The following NGEF variants were observed in gnomAD, a reference collection of about 807,000 sequenced individuals.
NGEF encodes the protein neuronal guanine nucleotide exchange factor.
In NGEF, 31 loss-of-function variants were observed where a neutral mutation model predicts 80.9. The ratio of observed to expected loss-of-function variants is 0.38; its 90% CI spans 0.29 to 0.52. The LOEUF (loss-of-function observed/expected upper bound fraction) is 0.52, where lower values mean the gene tolerates loss of function less well. NGEF is among the 20% of genes least tolerant of loss of function. The probability of loss-of-function intolerance (pLI) is 0.84; values close to 1 mark genes in which losing one functional copy is unlikely to be tolerated. For synonymous variants in NGEF, 371 were observed against 370.2 expected (o/e 1.00, Z -0.03); for missense variants, 709 against 926.2 (o/e 0.77, Z 3.04).
intron 1 of NGEF, among the ~76,000 whole-genome samples, chr2:232,979,166 C>T (rs1353160902): frequency 6.6e-6 from 1 of 152,018 alleles, no homozygotes; most frequent in Non-Finnish European, 1.5e-5. Context: ...GTTTCCTGTC[C>T]AGAAAACATG....
At chr2:232,962,231 T>C (rs1337393727) in intron 3 of NGEF, among the ~76,000 whole-genome samples, 3 of 152,178 alleles carry the variant, frequency 2.0e-5, no homozygotes, top group African/African-American at 7.2e-5. Context: ...ATAGAAGTCG[T>C]GACTATTGAA....
chr2:232,965,157 CTT>C (rs1482204234), intron 3 of NGEF, among the ~76,000 whole-genome samples: 1 of 152,200 alleles, frequency 6.6e-6, no homozygotes, highest in East Asian at 1.9e-4. Context: ...TGTAGTCTCT[CTT>C]TAATTGTTAC....
Position 232,879,448 on chromosome 2 carries a change from T to C in NGEF, c.*41A>G. ...CCCCCCCCCCCACCTTCTGTCGGGGTCTCATGCAGGCCCTGCTCCCGCTGG... is the reference window on the plus strand; with the variant it reads ...CCCCCCCCCCCACCTTCTGTCGGGGCCTCATGCAGGCCCTGCTCCCGCTGG... On this transcript the variant is annotated 3_prime_UTR_variant, in exon 15 of 15. Transcript: ENST00000264051. 2 of 1,071,586 alleles carry C rather than the reference T, an allele frequency of 1.9e-6. No individual in the cohort carries two copies. Among genetic ancestry groups the C allele is most frequent in the Non-Finnish European group, 2.7e-6 (2 of 748,480 alleles). 66.4% of individuals were successfully genotyped at this position (1,071,586 alleles called of 1,614,324 possible).
intron 3 of NGEF, among the ~76,000 whole-genome samples, chr2:232,943,229 G>C (rs1693475697): frequency 6.6e-6 from 1 of 151,220 alleles, no homozygotes; most frequent in Admixed American, 6.6e-5. Flanking sequence ...TTTGAAATTA[G>C]CATTTGTTCT....
Position 232,888,059 on chromosome 2 carries a change from A to C in NGEF, c.1321T>G (p.Leu441Val). Reference sequence around the variant, plus strand: ...ATTTCCAGCTCCTTGTGAGCATCCAAAGCAGTGCACTCCCGCTCAGACCTC... The same window carrying C: ...ATTTCCAGCTCCTTGTGAGCATCCACAGCAGTGCACTCCCGCTCAGACCTC... Reference protein sequence around the residue: ...EERSERECTALDAHKELEMVV... With the variant: ...EERSERECTAVDAHKELEMVV... Residue 441 changes from leucine (L) to valine (V), a missense_variant, in exon 9 of 15, where the codon TTG becomes GTG. Transcript: ENST00000264051. The C allele has an allele frequency of 1.2e-6, 2 of 1,614,030 alleles. No individual in the cohort carries two copies. Among genetic ancestry groups the C allele is most frequent in the South Asian group, 1.1e-5 (1 of 91,068 alleles).
At chr2:232,955,781 A>G (rs571700954) in intron 3 of NGEF, among the ~76,000 whole-genome samples, 85 of 152,280 alleles carry the variant, frequency 5.6e-4, no homozygotes, top group Non-Finnish European at 1.1e-3. Flanking sequence ...GGCCTCCCAC[A>G]GTGCTGGGAT....
chr2:232,890,924 G>C (rs1337008433), intron 8 of NGEF: 3 of 471,624 alleles, frequency 6.4e-6, no homozygotes, highest in Non-Finnish European at 1.3e-5. Flanking sequence ...TGGCCTTTCT[G>C]TCCATGAACC....
At chr2:233,007,250 A>G (rs1695103697) in intron 1 of NGEF, among the ~76,000 whole-genome samples, 1 of 152,168 alleles carries the variant, frequency 6.6e-6, no homozygotes, top group South Asian at 2.1e-4. Context: ...TCTCAAATAA[A>G]TAAATAAATA....
At chr2:232,934,786 T>G (rs1693295849) in intron 3 of NGEF, among the ~76,000 whole-genome samples, 1 of 152,164 alleles carries the variant, frequency 6.6e-6, no homozygotes, top group African/African-American at 2.4e-5. Flanking sequence ...GTGGTTTGCT[T>G]GAGCCCAGGA....
intron 1 of NGEF, among the ~76,000 whole-genome samples, chr2:232,989,161 A>G (rs1694600412): frequency 6.6e-6 from 1 of 152,116 alleles, no homozygotes; most frequent in Non-Finnish European, 1.5e-5. Context: ...TCTTAAAGCT[A>G]TGTCGGCCAG....
At chr2:232,962,330 C>T (rs377682976) in intron 3 of NGEF, among the ~76,000 whole-genome samples, 14 of 152,062 alleles carry the variant, frequency 9.2e-5, no homozygotes, top group Non-Finnish European at 1.3e-4. Flanking sequence ...TGAGATCAGG[C>T]GTTCAAGACC....
At chr2:232,883,684 G>C (rs1691586790) in intron 11 of NGEF, among the ~76,000 whole-genome samples, 1 of 152,160 alleles carries the variant, frequency 6.6e-6, no homozygotes, top group South Asian at 2.1e-4. Flanking sequence ...TGCCAACCCT[G>C]ACGACCCTAC....
intron 11 of NGEF, 58 bp from the exon 12 acceptor site, chr2:232,883,524 A>C (rs989981815): frequency 6.9e-7 from 1 of 1,448,244 alleles, no homozygotes; most frequent in Non-Finnish European, 9.1e-7. Flanking sequence ...TGGGGGTCCC[A>C]GGAGAGCCCC....
At chr2:232,906,799 T>G (rs4973570) in intron 5 of NGEF, among the ~76,000 whole-genome samples, 2 of 150,960 alleles carry the variant, frequency 1.3e-5, no homozygotes, top group South Asian at 2.1e-4. Flanking sequence ...GTGTAGAAAG[T>G]AGTAGACATG....
chr2:232,949,660 G>A (rs987364166), intron 3 of NGEF, among the ~76,000 whole-genome samples: 3 of 148,728 alleles, frequency 2.0e-5, no homozygotes, highest in African/African-American at 7.5e-5. Context: ...TATTTTTTAA[G>A]TAGAGATGGG....
chr2:232,934,218 G>A (rs960130655), intron 3 of NGEF, among the ~76,000 whole-genome samples: 6 of 146,998 alleles, frequency 4.1e-5, no homozygotes, highest in African/African-American at 1.5e-4. Context: ...CTCCAGCCTG[G>A]GTGACAGAGC....
chr2:232,966,043 G>T (rs1016806245), intron 3 of NGEF, among the ~76,000 whole-genome samples: 1 of 152,172 alleles, frequency 6.6e-6, no homozygotes, highest in African/African-American at 2.4e-5. Context: ...GAAGTTATAA[G>T]CAAATGGTCT....
At chr2:232,890,981 G>T (rs1460871724) in intron 8 of NGEF, 3 of 476,574 alleles carry the variant, frequency 6.3e-6, no homozygotes, top group Admixed American at 4.7e-5. Context: ...TGCGTGGAAT[G>T]TTCTTTCCTC....
intron 5 of NGEF, chr2:232,901,401 T>C (rs73995717): frequency 0.12 from 114,032 of 985,392 alleles, 6,824 homozygotes; most frequent in African/African-American, 0.2. Flanking sequence ...GCCGTGGACC[T>C]CTGGGCCGTG....
Sources: gnomAD v4.1 joint callset for allele counts (sites outside exome capture counted in the v4.1 genomes callset) on GRCh38, gnomAD v4.1.1 for gene constraint, MANE v1.5 for transcripts, NCBI Gene and HGNC (gene_info 2026-07-23, HGNC 2026-07-21) for gene names.